The following DGKK variants were observed in gnomAD, a reference collection of about 807,000 sequenced individuals.
The protein encoded by DGKK is diacylglycerol kinase kappa.
Under a neutral mutation model 92.2 loss-of-function variants are expected in DGKK, and 35 were observed. The observed-to-expected ratio is 0.38, with a 90% CI of 0.29 to 0.50. The LOEUF (loss-of-function observed/expected upper bound fraction) is 0.50. Ranked by LOEUF, DGKK falls within the 20% of genes least tolerant of loss-of-function variation. DGKK has a pLI of 0.92. For missense variants in DGKK, 910 were observed against 992.2 expected, an observed-to-expected ratio of 0.92 and a Z score of 1.11; for synonymous variants, 368 against 360.6, an observed-to-expected ratio of 1.02 and a Z score of -0.23.
intron 1 of DGKK, among the ~76,000 whole-genome samples, chrX:50,425,475 G>T (rs1925714067): frequency 9.1e-6 from 1 of 110,420 alleles, no homozygotes; most frequent in Non-Finnish European, 1.9e-5. Context: ...GCAGGAATTT[G>T]AGTTTAGGAC....
chrX:50,431,691 C>T (rs1434731135), intron 1 of DGKK, among the ~76,000 whole-genome samples: 1 of 111,170 alleles, frequency 9.0e-6, no homozygotes, highest in East Asian at 2.9e-4. Context: ...TCCTAACACT[C>T]GCTTGCCAAA....
chrX:50,468,492 A>C (rs530531189), intron 1 of DGKK, among the ~76,000 whole-genome samples: 9 of 111,622 alleles, frequency 8.1e-5, no homozygotes, highest in African/African-American at 2.9e-4. Context: ...ATTTTCAGGA[A>C]GGGGAGGGAT....
intron 1 of DGKK, among the ~76,000 whole-genome samples, chrX:50,463,550 T>C: frequency 1.1e-5 from 1 of 93,835 alleles, no homozygotes; most frequent in East Asian, 3.8e-4. Flanking sequence ...TTTCTCTCCC[T>C]CCTTCTCCCT....
intron 4 of DGKK, among the ~76,000 whole-genome samples, chrX:50,404,445 C>CTTTT (rs781970634): frequency 1.1e-5 from 1 of 90,915 alleles, no homozygotes; most frequent in Non-Finnish European, 2.2e-5. Context: ...GAGTAATTAT[C>CTTTT]TTTTTTTTTT....
intron 8 of DGKK, among the ~76,000 whole-genome samples, chrX:50,400,063 A>G (rs782032086): frequency 3.1e-4 from 35 of 112,036 alleles, no homozygotes; most frequent in African/African-American, 8.4e-4. Context: ...ATTATCATCT[A>G]TCTTCACAAT....
intron 24 of DGKK, among the ~76,000 whole-genome samples, chrX:50,375,520 G>A (rs782719006): frequency 2.7e-5 from 3 of 111,333 alleles, no homozygotes; most frequent in Admixed American, 9.5e-5. Flanking sequence ...TATATCTTTC[G>A]CCTAGCACTA....
intron 1 of DGKK, among the ~76,000 whole-genome samples, chrX:50,428,090 G>C (rs1326210389): frequency 9.1e-6 from 1 of 110,461 alleles, no homozygotes; most frequent in Non-Finnish European, 1.9e-5. Context: ...CCCCAGGTCT[G>C]AGGGTATGAG....
Position 50,368,665 on chromosome X carries a change from C to T in DGKK, c.*275G>A. ...TAGATCCCAGGCCATTCATAAAGAG[C>T]TTATCCCAATAAATACTGTAGTTGC... On this transcript the variant is annotated 3_prime_UTR_variant, in exon 28 of 28. Transcript: ENST00000611977. 1 of 278,599 alleles carries T rather than the reference C, an allele frequency of 3.6e-6. No homozygotes were observed. Among genetic ancestry groups the T allele is most frequent in the South Asian group, 9.5e-5 (1 of 10,498 alleles). The allele number at this position is 278,599 out of a possible 1,213,427, so 23.0% of individuals were successfully genotyped here.
At chrX:50,433,179 G>A (rs1243267988) in intron 1 of DGKK, among the ~76,000 whole-genome samples, 2 of 112,180 alleles carry the variant, frequency 1.8e-5, no homozygotes, top group African/African-American at 3.2e-5. Flanking sequence ...TACAAGCTCT[G>A]GTCTATGTTA....
At chrX:50,386,827 C>T (rs1924556814) in intron 14 of DGKK, among the ~76,000 whole-genome samples, 1 of 111,847 alleles carries the variant, frequency 8.9e-6, no homozygotes, top group Non-Finnish European at 1.9e-5. Context: ...TTCTGAGTGG[C>T]CCCATGCATC....
intron 1 of DGKK, among the ~76,000 whole-genome samples, chrX:50,458,030 T>C (rs1926653963): frequency 9.0e-6 from 1 of 110,892 alleles, no homozygotes; most frequent in Admixed American, 9.6e-5. Context: ...AACCCTGACT[T>C]GTTTCTTTCT....
At chrX:50,447,326 G>GTATATATATATATATAT (rs1926337209) in intron 1 of DGKK, among the ~76,000 whole-genome samples, 9 of 18,179 alleles carry the variant, frequency 5.0e-4, no homozygotes, top group Admixed American at 1.1e-3. Flanking sequence ...GTGTGTGTAT[G>GTATATATATATATATAT]TATATATATA....
chrX:50,392,317 A>G, intron 10 of DGKK, 24 bp downstream of exon 10: 1 of 1,153,620 alleles, frequency 8.7e-7, no homozygotes, highest in Non-Finnish European at 1.2e-6. Flanking sequence ...AGCAATGGCT[A>G]AACTGAGTCA....
intron 1 of DGKK, among the ~76,000 whole-genome samples, chrX:50,424,904 A>C (rs1229037406): frequency 1.8e-5 from 2 of 111,945 alleles, no homozygotes; most frequent in African/African-American, 6.5e-5. Flanking sequence ...GATCTCATGA[A>C]GGAGCAAGCA....
At chrX:50,375,109 G>T in intron 24 of DGKK, 52 bp from the exon 25 acceptor site, 1 of 995,782 alleles carries the variant, frequency 1.0e-6, no homozygotes, top group Non-Finnish European at 1.4e-6. Context: ...CAGGGGAGTT[G>T]TTGGTTAGTA....
intron 25 of DGKK, 35 bp downstream of exon 25, chrX:50,374,936 C>T: frequency 8.8e-7 from 1 of 1,135,632 alleles, no homozygotes; most frequent in Non-Finnish European, 1.2e-6. Flanking sequence ...AGATAGAATA[C>T]TTTGCCCTCC....
At chrX:50,467,157 T>C (rs1557234035) in intron 1 of DGKK, among the ~76,000 whole-genome samples, 1 of 112,465 alleles carries the variant, frequency 8.9e-6, no homozygotes, top group Non-Finnish European at 1.9e-5. Context: ...ACATCCTTAC[T>C]TACACTTGCT....
rs61623601 is a variant in DGKK, at chrX:50,420,088, C to T, written c.942+315G>A. Reference sequence around the variant, plus strand: ...AGACCCAAGTCAAGACTGCTGATTCCGGTTTTCCTAACCTAAGGGCATCTA... The same window carrying T: ...AGACCCAAGTCAAGACTGCTGATTCTGGTTTTCCTAACCTAAGGGCATCTA... On this transcript the variant is annotated intron_variant, in intron 4 of 27. Coordinates refer to ENST00000611977, the MANE Select transcript of DGKK (RefSeq NM_001013742.4). Among the ~76,000 whole-genome samples the T allele has an allele frequency of 5.6e-3, 627 of 111,483 alleles. 4 individuals are homozygous for T. The highest frequency in any genetic ancestry group is 0.019 in the African/African-American group (590 of 30,753).
intron 4 of DGKK, among the ~76,000 whole-genome samples, chrX:50,417,209 C>T (rs1202905948): frequency 1.8e-5 from 2 of 108,986 alleles, no homozygotes; most frequent in Admixed American, 1.0e-4. Flanking sequence ...GAGTTGTCCA[C>T]CTCAAGAGCC....
Sources: gnomAD v4.1 joint callset for allele counts (sites outside exome capture counted in the v4.1 genomes callset) on GRCh38, gnomAD v4.1.1 for gene constraint, MANE v1.5 for transcripts, NCBI Gene and HGNC (gene_info 2026-07-23, HGNC 2026-07-21) for gene names.